Variants in GATA4 observed in about 807,000 individuals in gnomAD.
GATA4 encodes the protein transcription factor GATA-4.
In GATA4, 7 loss-of-function variants were observed where a neutral mutation model predicts 37.9. That is an observed-to-expected ratio of 0.18 (90% confidence interval 0.11 to 0.35). The LOEUF (loss-of-function observed/expected upper bound fraction) is 0.35. Among genes scored for constraint, GATA4 ranks in the 10% least tolerant of loss-of-function variants. The pLI is 1.00. For missense variants in GATA4, 647 were observed against 653.0 expected (o/e 0.99, Z 0.10); for synonymous variants, 372 against 292.6 (o/e 1.27, Z -2.77).
At chr8:11,721,560 G>A (rs974941978) in intron 2 of GATA4, among the ~76,000 whole-genome samples, 21 of 152,128 alleles carry the variant, frequency 1.4e-4, no homozygotes, top group African/African-American at 4.3e-4. Flanking sequence ...TTAAAATGAA[G>A]CCGCACGCTA....
chr8:11,742,209 T>C (rs1211309755), intron 2 of GATA4, among the ~76,000 whole-genome samples: 1 of 152,114 alleles, frequency 6.6e-6, no homozygotes, highest in African/African-American at 2.4e-5. Flanking sequence ...CCACAGTTCC[T>C]CCAGTGACAG....
At chr8:11,696,725 A>T (rs62489315) in intron 1 of GATA4, among the ~76,000 whole-genome samples, 4,899 of 152,310 alleles carry the variant, frequency 0.032, 212 homozygotes, top group African/African-American at 0.1. Flanking sequence ...AAAGTGGTGT[A>T]TGGAGGGGTG....
At chr8:11,738,949 G>C (rs914770381) in intron 2 of GATA4, among the ~76,000 whole-genome samples, 1 of 152,192 alleles carries the variant, frequency 6.6e-6, no homozygotes, top group Non-Finnish European at 1.5e-5. Context: ...ACCCTGGCTG[G>C]GACTGTACCC....
chr8:11,687,607 T>G (rs1192474971), intron 1 of GATA4, among the ~76,000 whole-genome samples: 3 of 152,170 alleles, frequency 2.0e-5, no homozygotes, highest in Non-Finnish European at 4.4e-5. Flanking sequence ...TTTTTATAGA[T>G]GAGAAAACTG....
intron 2 of GATA4, among the ~76,000 whole-genome samples, chr8:11,717,699 T>C (rs1800497452): frequency 6.6e-6 from 1 of 152,232 alleles, no homozygotes; most frequent in Admixed American, 6.5e-5. Context: ...ATCCGCTTCC[T>C]CTCCCCAGGG....
chr8:11,708,284 G>A lies in GATA4; in HGVS notation c.-29G>A. The stretch of plus-strand genomic sequence containing the variant: ...TCCTTGACCTGCGAGGGAGAGAGAG[G>A]ACACCGAAGCCGGGAGCTCGCAGGG... On this transcript the variant is annotated 5_prime_UTR_variant, in exon 2 of 7. Coordinates refer to ENST00000532059, the MANE Select transcript of GATA4 (RefSeq NM_001308093.3). This position sits in a 1 kb window ranked among gnomAD's most constrained non-coding sequence, Gnocchi z 6.7. 1 of 1,559,800 alleles carries A rather than the reference G, an allele frequency of 6.4e-7. No homozygotes were observed. The highest frequency in any genetic ancestry group is 8.6e-7 in the Non-Finnish European group (1 of 1,159,550).
rs780683869 is a variant in GATA4 at position 11,709,575 on chromosome 8, C to CGG, written c.616+657_616+658dup. Among the ~76,000 whole-genome samples, 6,260 of 93,284 alleles carry CGG rather than the reference C, an allele frequency of 0.067. 596 individuals are homozygous for CGG. Among genetic ancestry groups the CGG allele is most frequent in the East Asian group, 0.18 (590 of 3,218 alleles). The allele number at this position is 93,284 out of a possible 152,430, so 61.2% of individuals were successfully genotyped here. Reference sequence around the variant, plus strand: ...GCGCGTGGGCGCATCATGCGGGCAGCGGGGGGGGGGGCGCACACGCCCGGT... The same window carrying CGG: ...GCGCGTGGGCGCATCATGCGGGCAGCGGGGGGGGGGGGGCGCACACGCCCGGT... On this transcript the variant is annotated intron_variant, in intron 2 of 6. Transcript: ENST00000532059. The surrounding 1 kb of genome is among the most constrained non-coding windows in gnomAD (Gnocchi z 4.3).
At chr8:11,723,768 A>C (rs1800784886) in intron 2 of GATA4, among the ~76,000 whole-genome samples, 1 of 152,232 alleles carries the variant, frequency 6.6e-6, no homozygotes, top group Non-Finnish European at 1.5e-5. Context: ...TAGGGCTAAA[A>C]GGCTTTTACT....
chr8:11,748,855 G>A (rs10503425), intron 2 of GATA4, 61 bp from the exon 3 acceptor site: 3 of 1,577,988 alleles, frequency 1.9e-6, no homozygotes, highest in East Asian at 2.2e-5. Flanking sequence ...AGATGTGAGA[G>A]CTGGGCATAA....
chr8:11,753,718 A>G (rs1457024876), intron 4 of GATA4, among the ~76,000 whole-genome samples: 1 of 152,158 alleles, frequency 6.6e-6, no homozygotes, highest in East Asian at 1.9e-4. Context: ...CCACAGTTAA[A>G]TAGGAGGCCA....
intron 2 of GATA4, among the ~76,000 whole-genome samples, chr8:11,728,565 T>C (rs755878491): frequency 7.3e-5 from 11 of 150,932 alleles, no homozygotes; most frequent in Non-Finnish European, 1.6e-4. Flanking sequence ...TTACTTTCTG[T>C]AGGGGCAGGG....
intron 1 of GATA4, among the ~76,000 whole-genome samples, chr8:11,695,131 C>T (rs944317029): frequency 1.3e-5 from 2 of 152,156 alleles, no homozygotes; most frequent in East Asian, 1.9e-4. Context: ...AGGCTGGGGG[C>T]GCGGTGGCTC....
intron 2 of GATA4, among the ~76,000 whole-genome samples, chr8:11,714,794 T>G (rs1800364557): frequency 6.6e-6 from 1 of 152,196 alleles, no homozygotes; most frequent in Non-Finnish European, 1.5e-5. Flanking sequence ...CTTTTCTAAC[T>G]TAAATGCACT....
chr8:11,710,777 G>A (rs1404045437), intron 2 of GATA4, among the ~76,000 whole-genome samples: 1 of 150,438 alleles, frequency 6.6e-6, no homozygotes, highest in Non-Finnish European at 1.5e-5. Flanking sequence ...TTGGTGTTTG[G>A]TTAAGGAAAA....
chr8:11,722,961 T>C (rs954188736), intron 2 of GATA4, among the ~76,000 whole-genome samples: 1 of 151,846 alleles, frequency 6.6e-6, no homozygotes, highest in Admixed American at 6.6e-5. Context: ...CTACAGTCGC[T>C]TTACTTTTCA....
upstream of GATA4, among the ~76,000 whole-genome samples, chr8:11,689,645 G>A (rs868587755): frequency 6.6e-6 from 1 of 152,172 alleles, no homozygotes; most frequent in South Asian, 2.1e-4. Context: ...CTGCGGTTTT[G>A]AATGTCTATG....
chr8:11,682,919 G>T (rs1040546452), intron 1 of GATA4, among the ~76,000 whole-genome samples: 3 of 152,202 alleles, frequency 2.0e-5, no homozygotes, highest in Non-Finnish European at 4.4e-5. Flanking sequence ...GTAGGTAGTA[G>T]CTAGTTTCCA....
At chr8:11,678,710 C>T (rs554286843) in intron 1 of GATA4, among the ~76,000 whole-genome samples, 8 of 152,260 alleles carry the variant, frequency 5.3e-5, no homozygotes, top group African/African-American at 1.7e-4. Context: ...TTCTGCTGGT[C>T]TCATTTTGAT....
chr8:11,683,178 A>G (rs1166060025), intron 1 of GATA4: 1 of 940,882 alleles, frequency 1.1e-6, no homozygotes, highest in Non-Finnish European at 1.3e-6. Context: ...TCTAATCTGG[A>G]CAGCAGCAGG....
Sources: gnomAD v4.1 joint callset for allele counts (sites outside exome capture counted in the v4.1 genomes callset) on GRCh38, gnomAD v4.1.1 for gene constraint, Gnocchi (gnomAD v3.1) non-coding constraint, MANE v1.5 for transcripts, NCBI Gene and HGNC (gene_info 2026-07-23, HGNC 2026-07-21) for gene names.